The following CD1A variants were observed in gnomAD, a reference collection of about 807,000 sequenced individuals.
The protein encoded by CD1A is T-cell surface glycoprotein CD1a.
In CD1A, 50 loss-of-function variants were observed where a neutral mutation model predicts 38.3. The observed-to-expected ratio is 1.30, with a 90% CI of 1.04 to 1.65. CD1A has a LOEUF of 1.65. Among genes scored for constraint, CD1A ranks in the 40% most tolerant of loss-of-function variants. The pLI is 0.00. For missense variants in CD1A, 459 were observed against 406.1 expected, an observed-to-expected ratio of 1.13 and a Z score of -1.12; for synonymous variants, 160 against 150.8, an observed-to-expected ratio of 1.06 and a Z score of -0.45.
chr1:158,253,203 C>A (rs565802610), upstream of CD1A, among the ~76,000 whole-genome samples: 1 of 152,052 alleles, frequency 6.6e-6, no homozygotes, highest in South Asian at 2.1e-4. Flanking sequence ...ATCTACAAAG[C>A]ACAAACATAT....
At position 158,255,090 on chromosome 1, in the gene CD1A, A is replaced by G. The variant is rs764917107; in HGVS notation, c.65A>G (p.Lys22Arg). ...LPGDGNADGL[K>R]EPLSFHVTWI... ...ATCTGTTCTTTTGTCGCAGGGCTCAAGGAGCCTCTCTCCTTCCATGTCACC... is the reference window on the plus strand; with the variant it reads ...ATCTGTTCTTTTGTCGCAGGGCTCAGGGAGCCTCTCTCCTTCCATGTCACC... The change falls in exon 2 of 6, where the codon AAG (lysine) becomes AGG (arginine). Residue 22 changes from lysine (K) to arginine (R), a missense_variant. Coordinates refer to ENST00000289429, the MANE Select transcript of CD1A (RefSeq NM_001763.3). The G allele has an allele frequency of 2.2e-5, 35 of 1,613,782 alleles. No individual in the cohort carries two copies. Among genetic ancestry groups the G allele is most frequent in the Non-Finnish European group, 3.0e-5 (35 of 1,179,896 alleles).
upstream of CD1A, among the ~76,000 whole-genome samples, chr1:158,252,325 T>C (rs749798938): frequency 6.6e-5 from 10 of 152,110 alleles, no homozygotes; most frequent in Non-Finnish European, 1.2e-4. Flanking sequence ...CTGATGCGAA[T>C]TTCCCTGTTT....
At chr1:158,257,123 G>A in intron 4 of CD1A, 59 bp downstream of exon 4, 1 of 1,534,082 alleles carries the variant, frequency 6.5e-7, no homozygotes. Flanking sequence ...AGGCATAGAG[G>A]GAGGGCAAGC....
At chr1:158,255,387 G>A (rs1650224176) in intron 2 of CD1A, 37 bp downstream of exon 2, 2 of 1,598,258 alleles carry the variant, frequency 1.3e-6, no homozygotes, top group Non-Finnish European at 1.7e-6. Flanking sequence ...TGGTGAGGTG[G>A]GAGAGAGGGG....
Position 158,255,083 on chromosome 1 carries a change from G to A in CD1A, c.59-1G>A. On this transcript the variant is annotated splice_acceptor_variant, in intron 1 of 5. Transcript: ENST00000289429. LOFTEE classifies it high-confidence loss of function. ...CCATTCTATCTGTTCTTTTGTCGCA[G>A]GGCTCAAGGAGCCTCTCTCCTTCCA... is the stretch of plus-strand genomic sequence containing the variant. 1 of 1,613,030 alleles carries A rather than the reference G, an allele frequency of 6.2e-7. No individual in the cohort carries two copies. The highest frequency in any genetic ancestry group is 8.5e-7 in the Non-Finnish European group (1 of 1,179,298).
At chr1:158,254,994 A>T in intron 1 of CD1A, 90 bp from the exon 2 acceptor site, 1 of 1,320,064 alleles carries the variant, frequency 7.6e-7, no homozygotes, top group Non-Finnish European at 1.1e-6. Context: ...CCTTTTCTCC[A>T]GATTCTGAGT....
upstream of CD1A, among the ~76,000 whole-genome samples, chr1:158,253,562 A>T (rs958254216): frequency 1.3e-5 from 2 of 152,192 alleles, no homozygotes; most frequent in African/African-American, 2.4e-5. Flanking sequence ...TCACCTCCAT[A>T]ATTAAAAAAT....
rs1021906158 is a variant in CD1A, at chr1:158,254,979, G to C, written c.59-105G>C. 1.4e-4 allele frequency: 160 copies of C among 1,157,272 alleles called. No individual in the cohort carries two copies. The African/African-American group carries it at 2.2e-3, about 16-fold the overall frequency. 71.7% of individuals were successfully genotyped at this position (1,157,272 alleles called of 1,614,324 possible). A position where few individuals can be genotyped will look rare whatever the true frequency, so the allele number is the denominator to read the frequency against. On this transcript the variant is annotated intron_variant, in intron 1 of 5. Coordinates refer to ENST00000289429, the MANE Select transcript of CD1A (RefSeq NM_001763.3). ...GTGAATGTCTGCTAAGATCATGATGGATCCCCTTTTCTCCAGATTCTGAGT... is the reference window on the plus strand; with the variant it reads ...GTGAATGTCTGCTAAGATCATGATGCATCCCCTTTTCTCCAGATTCTGAGT...
chr1:158,249,802 G>C (rs1213552408), upstream of CD1A, among the ~76,000 whole-genome samples: 5 of 152,312 alleles, frequency 3.3e-5, no homozygotes, highest in East Asian at 9.7e-4. Context: ...AGGTGCCTGG[G>C]GGCCGCACTC....
chr1:158,249,909 C>T (rs923066578), upstream of CD1A, among the ~76,000 whole-genome samples: 1 of 152,164 alleles, frequency 6.6e-6, no homozygotes, highest in Non-Finnish European at 1.5e-5. Flanking sequence ...CCACTCCAAC[C>T]CTCCACAGAT....
In CD1A at chr1:158,257,083, C is replaced by A; in HGVS notation, c.883+19C>A. ...TACTGGGGTGAGAAAAAGCTAAGGC[C>A]CAGGCTGGAAATGCCAGGAAGTGGA... On this transcript the variant is annotated intron_variant, in intron 4 of 5. Transcript: ENST00000289429. The A allele has an allele frequency of 1.3e-6, 2 of 1,586,442 alleles. No individual in the cohort carries two copies. Among genetic ancestry groups the A allele is most frequent in the Non-Finnish European group, 1.7e-6 (2 of 1,163,748 alleles).
rs769074345 is a variant in CD1A at position 158,254,629 on chromosome 1, A to G, written c.-41A>G. 7 of 1,613,818 alleles carry G rather than the reference A, an allele frequency of 4.3e-6. No homozygotes were observed. The highest frequency in any genetic ancestry group is 5.1e-6 in the Non-Finnish European group (6 of 1,179,898). Reference sequence around the variant, plus strand: ...GGTTTGTTTGGAACAGAAATCAAAGACCAATTTTTCTGAGAGAAGGAAATA... The same window carrying G: ...GGTTTGTTTGGAACAGAAATCAAAGGCCAATTTTTCTGAGAGAAGGAAATA... On this transcript the variant is annotated 5_prime_UTR_variant, in exon 1 of 6. Transcript: ENST00000289429.
In CD1A at chr1:158,256,277, G is replaced by A. The variant is rs200394336; in HGVS notation, c.599G>A (p.Arg200Gln). The A allele has an allele frequency of 4.2e-5, 67 of 1,613,010 alleles. No homozygotes were observed. The highest frequency in any genetic ancestry group is 1.7e-4 in the Middle Eastern group (1 of 6,058). The part of the protein sequence containing the change: ...LLDAGKAHLQ[R>Q]QVKPEAWLSH... ...GATGCAGGAAAGGCACATCTCCAGC[G>A]GCAAGGTCAGTCCTGCACTCTCCCT... Residue 200 changes from arginine to glutamine, a missense_variant, in exon 3 of 6, where the codon CGG (arginine) becomes CAG (glutamine). By Grantham distance (43) the Arg-to-Gln change is conservative (BLOSUM62 1). Coordinates refer to ENST00000289429, the MANE Select transcript of CD1A (RefSeq NM_001763.3).
upstream of CD1A, among the ~76,000 whole-genome samples, chr1:158,253,486 T>C (rs969887612): frequency 6.6e-6 from 1 of 152,214 alleles, no homozygotes; most frequent in Non-Finnish European, 1.5e-5. Flanking sequence ...TGTATGAGAT[T>C]CTCATCTCAC....
In CD1A at chr1:158,256,845, G is replaced by C. The variant is rs760559991; in HGVS notation, c.664G>C (p.Val222Leu). The C allele has an allele frequency of 3.7e-6, 6 of 1,614,264 alleles. No homozygotes were observed. Among genetic ancestry groups the C allele is most frequent in the East Asian group, 2.2e-5 (1 of 44,890 alleles). ...PSPGPGHLQL[V>L]CHVSGFYPKP... is the part of the protein sequence containing the mutation. ...TCCTGGCCCTGGCCATCTGCAGCTTGTGTGCCATGTCTCAGGATTCTACCC... is the reference window on the plus strand; with the variant it reads ...TCCTGGCCCTGGCCATCTGCAGCTTCTGTGCCATGTCTCAGGATTCTACCC... Residue 222 changes from valine (V) to leucine (L), a missense_variant, in exon 4 of 6, where the codon GTG becomes CTG. Transcript: ENST00000289429.
intron 4 of CD1A, 151 bp from the exon 5 acceptor site, chr1:158,257,270 C>T (rs891780445): frequency 2.2e-6 from 2 of 908,444 alleles, no homozygotes; most frequent in Non-Finnish European, 3.4e-6. Context: ...CATCTCTGAG[C>T]AGGGATGAGA....
intron 3 of CD1A, 95 bp from the exon 4 acceptor site, chr1:158,256,691 A>G: frequency 7.3e-7 from 1 of 1,372,932 alleles, no homozygotes; most frequent in South Asian, 1.4e-5. Context: ...AAAAAAAAAG[A>G]GAAATGGGAA....
At chr1:158,250,177 G>T (rs1239315548), upstream of CD1A, among the ~76,000 whole-genome samples, 1 of 152,200 alleles carries the variant, frequency 6.6e-6, no homozygotes, top group East Asian at 1.9e-4. Flanking sequence ...AGATCAGACG[G>T]CTGTATGGGC....
At chr1:158,252,159 G>A (rs1650108702), upstream of CD1A, among the ~76,000 whole-genome samples, 1 of 150,576 alleles carries the variant, frequency 6.6e-6, no homozygotes, top group African/African-American at 2.4e-5. Context: ...TGTTGCAATA[G>A]AGGAGATGGG....
Sources: gnomAD v4.1 joint callset for allele counts (sites outside exome capture counted in the v4.1 genomes callset) on GRCh38, gnomAD v4.1.1 for gene constraint, MANE v1.5 for transcripts, NCBI Gene and HGNC (gene_info 2026-07-23, HGNC 2026-07-21) for gene names.